LAMP2: variants seen among roughly 807,000 people sequenced by gnomAD.
LAMP2 encodes the protein lysosome associated membrane protein 2, also known as lysosome-associated membrane glycoprotein 2.
A neutral mutation model predicts 25.6 loss-of-function variants in LAMP2; 4 were observed. That is an observed-to-expected ratio of 0.16 (90% CI 0.08 to 0.36). The LOEUF is 0.36. Ranked by LOEUF, LAMP2 falls within the 10% of genes least tolerant of loss-of-function variation. LAMP2 has a pLI of 1.00. For synonymous variants in LAMP2, 108 were observed against 112.7 expected (o/e 0.96, Z 0.27); for missense variants, 272 against 301.4 (o/e 0.90, Z 0.72).
Position 120,469,186 on chromosome X carries a change from C to T in LAMP2, c.-17G>A. On this transcript the variant is annotated 5_prime_UTR_variant, in exon 1 of 9. Coordinates refer to ENST00000200639, the MANE Select transcript of LAMP2 (RefSeq NM_002294.3). ...GCACACCATGACCCCGCAGAGCAGG[C>T]GGCGACGGCGGCGACGGCGGCGGTA... The T allele has an allele frequency of 8.6e-7, 1 of 1,166,746 alleles. No individual in the cohort carries two copies. The highest frequency in any genetic ancestry group is 1.2e-6 in the Non-Finnish European group (1 of 858,516).
chrX:120,445,573 C>T (rs2058592246), intron 6 of LAMP2, among the ~76,000 whole-genome samples: 1 of 112,417 alleles, frequency 8.9e-6, no homozygotes, highest in Admixed American at 9.4e-5. Context: ...TCACTTACAG[C>T]TATCTTCTAT....
At chrX:120,455,175 T>C (rs2058640714) in intron 3 of LAMP2, among the ~76,000 whole-genome samples, 182 bp downstream of exon 3, 2 of 106,908 alleles carry the variant, frequency 1.9e-5, no homozygotes, top group South Asian at 8.2e-4. Flanking sequence ...TGACAGCAAA[T>C]ATCATCAGTA....
rs1360794589 is a variant in LAMP2, at chrX:120,441,836, A to G, written c.987T>C (p.Tyr329=). The part of the protein sequence containing the change: ...SYWDAPLGSS[Y]MCNKEQTVSV... ...AAACAGTCTGCTCTTTGTTGCACAT[A>G]TAAGAACTTCCCAGGGGGGCATCCC... Residue 329 remains tyrosine, a synonymous_variant, in exon 8 of 9, where the codon TAT becomes TAC. Coordinates refer to ENST00000200639, the MANE Select transcript of LAMP2 (RefSeq NM_002294.3). 1.4e-5 allele frequency: 17 copies of G among 1,208,233 alleles called. No individual in the cohort carries two copies. The East Asian group carries it at 1.5e-4, about 11-fold the overall frequency.
intron 8 of LAMP2, among the ~76,000 whole-genome samples, chrX:120,434,987 A>G (rs1377053960): frequency 4.5e-5 from 5 of 111,194 alleles, no homozygotes; most frequent in Non-Finnish European, 7.5e-5. Context: ...AAAGGTAGCC[A>G]GGTGTGGTGG....
chrX:120,432,884 C>T (rs1171406018), intron 8 of LAMP2, among the ~76,000 whole-genome samples: 1 of 104,872 alleles, frequency 9.5e-6, no homozygotes, highest in Non-Finnish European at 1.9e-5. Context: ...TGTTTGAGCC[C>T]AGGAGTTCAA....
At chrX:120,437,302 C>CAT (rs113932840) in intron 8 of LAMP2, 117,377 of 657,473 alleles carry the variant, frequency 0.18, 5,427 homozygotes, top group Admixed American at 0.38. Flanking sequence ...TATATGTGTG[C>CAT]ATATATATAT....
intron 8 of LAMP2, among the ~76,000 whole-genome samples, chrX:120,440,215 G>A (rs2058565920): frequency 9.0e-6 from 1 of 111,673 alleles, no homozygotes; most frequent in Non-Finnish European, 1.9e-5. Flanking sequence ...TCGTGACTTA[G>A]TACATACAAT....
At chrX:120,437,725 T>C in intron 8 of LAMP2, 2 of 748,138 alleles carry the variant, frequency 2.7e-6, no homozygotes, top group Non-Finnish European at 3.2e-6. Flanking sequence ...CACAGAACCA[T>C]TTAAATGTGA....
At chrX:120,449,342 C>T (rs545566634) in intron 3 of LAMP2, among the ~76,000 whole-genome samples, 24 of 112,771 alleles carry the variant, frequency 2.1e-4, no homozygotes, top group African/African-American at 7.1e-4. Flanking sequence ...GGGCTGGGCA[C>T]AGTGGCCCAT....
chrX:120,444,032 G>GAAAGA (rs1198903133), intron 6 of LAMP2, among the ~76,000 whole-genome samples: 1 of 100,853 alleles, frequency 9.9e-6, no homozygotes, highest in Non-Finnish European at 2.0e-5. Context: ...AGGAAGGAAG[G>GAAAGA]AAAGAAAAGA....
Position 120,442,651 on chromosome X carries a change from G to A in LAMP2, c.876C>T (p.Asn292=). 2 of 1,206,327 alleles carry A rather than the reference G, an allele frequency of 1.7e-6. No individual in the cohort carries two copies. ...LDFVFAVKNE[N]RFYLKEVNIS... ...TGTTCACTTCCTTCAGATAAAATCGGTTTTCATTTTTCTGTTTGAAAAAGA... is the reference window on the plus strand; with the variant it reads ...TGTTCACTTCCTTCAGATAAAATCGATTTTCATTTTTCTGTTTGAAAAAGA... The change falls in exon 7 of 9, where the codon AAC becomes AAT. Residue 292 remains asparagine, a synonymous_variant. Transcript: ENST00000200639.
chrX:120,436,619 T>C, intron 8 of LAMP2: 1 of 739,118 alleles, frequency 1.4e-6, no homozygotes, highest in Non-Finnish European at 1.6e-6. Flanking sequence ...ACATGGAAAG[T>C]ATTTACATGG....
intron 5 of LAMP2, 95 bp from the exon 6 acceptor site, chrX:120,446,522 G>C (rs1057197859): frequency 1.1e-6 from 1 of 944,294 alleles, no homozygotes; most frequent in Non-Finnish European, 1.5e-6. Flanking sequence ...CTTCAGCGTA[G>C]AACAAAAAAT....
intron 1 of LAMP2, among the ~76,000 whole-genome samples, chrX:120,458,453 G>A (rs755706889): frequency 9.8e-4 from 109 of 111,591 alleles, no homozygotes; most frequent in Non-Finnish European, 1.6e-3. Context: ...TGGTTCAAAC[G>A]TATCACTTAA....
chrX:120,463,133 T>C (rs1921389346), intron 1 of LAMP2, among the ~76,000 whole-genome samples: 1 of 112,042 alleles, frequency 8.9e-6, no homozygotes, highest in African/African-American at 3.2e-5. Flanking sequence ...CTTTGTTTTC[T>C]ATTCAGAGTG....
At chrX:120,454,574 G>A (rs2147286071) in intron 3 of LAMP2, among the ~76,000 whole-genome samples, 1 of 109,309 alleles carries the variant, frequency 9.1e-6, no homozygotes, top group Non-Finnish European at 1.9e-5. Flanking sequence ...GCAACATAGT[G>A]AGACACCCCC....
chrX:120,462,519 C>A (rs868186735), intron 1 of LAMP2, among the ~76,000 whole-genome samples: 327 of 61,012 alleles, frequency 5.4e-3, no homozygotes, highest in Middle Eastern at 0.037. Context: ...AAGACCCTGT[C>A]AAAAAAAAAA....
rs2058500727 is a variant in LAMP2 at position 120,426,826 on chromosome X, A to G, written c.*4497T>C. 8.9e-6 allele frequency among the ~76,000 whole-genome samples: 1 copy of G among 112,502 alleles called. No individual in the cohort carries two copies. ...AAAAGAGAACATTTTAAAAGAAAAC[A>G]TTCTTTACATACTTAGCAAATAGAG... On this transcript the variant is annotated 3_prime_UTR_variant, in exon 9 of 9. Coordinates refer to ENST00000200639, the MANE Select transcript of LAMP2 (RefSeq NM_002294.3).
chrX:120,454,611 T>C (rs763896508), intron 3 of LAMP2, among the ~76,000 whole-genome samples: 1 of 108,638 alleles, frequency 9.2e-6, no homozygotes, highest in East Asian at 2.9e-4. Context: ...GAAAATAAAG[T>C]AGCTATTAGT....
Sources: allele counts gnomAD v4.1 joint callset (sites outside exome capture counted in the v4.1 genomes callset), GRCh38; gene constraint gnomAD v4.1.1; transcripts MANE v1.5; gene names NCBI Gene and HGNC (gene_info 2026-07-23, HGNC 2026-07-21).